Variants in FGF12 observed in about 807,000 individuals in gnomAD.
FGF12 encodes fibroblast growth factor 12B.
In FGF12, 14 loss-of-function variants were observed where a neutral mutation model predicts 23.6. The ratio of observed to expected loss-of-function variants is 0.59; its 90% confidence interval spans 0.39 to 0.93. The LOEUF is 0.93. FGF12 is among the 40% of genes least tolerant of loss of function. FGF12 has a pLI of 0.00. For synonymous variants in FGF12, 62 were observed against 77.3 expected, an observed-to-expected ratio of 0.80 and a Z score of 1.04; for missense variants, 175 against 217.8, an observed-to-expected ratio of 0.80 and a Z score of 1.24.
intron 4 of FGF12, among the ~76,000 whole-genome samples, chr3:192,207,524 T>C (rs1717716864): frequency 6.6e-6 from 1 of 152,120 alleles, no homozygotes. Context: ...TGCAGAGAAG[T>C]ATGAAATGTT....
At chr3:192,252,831 GATTA>G (rs1400595799) in intron 4 of FGF12, among the ~76,000 whole-genome samples, 2 of 152,052 alleles carry the variant, frequency 1.3e-5, no homozygotes, top group Non-Finnish European at 2.9e-5. Context: ...CCCCTAAAAA[GATTA>G]ATTATAATAA....
In FGF12 at chr3:192,304,787, T is replaced by G. The variant is rs547152288; in HGVS notation, c.228+30574A>C. On this transcript the variant is annotated intron_variant, in intron 4 of 5. Transcript: ENST00000445105. ...TTAAAATATCCTCTCTGCTTCATAA[T>G]GCTTATTCCATACTCAGAACTTTAG... Among the ~76,000 whole-genome samples, 144 of 152,318 alleles carry G rather than the reference T, an allele frequency of 9.5e-4. 1 individual carries two copies. Among genetic ancestry groups the G allele is most frequent in the African/African-American group, 3.3e-3 (139 of 41,570 alleles).
chr3:192,365,880 C>A (rs1232265025), intron 2 of FGF12, among the ~76,000 whole-genome samples: 2 of 150,822 alleles, frequency 1.3e-5, no homozygotes, highest in Non-Finnish European at 2.9e-5. Context: ...CCAAGGGGTC[C>A]TGGTCAGAAA....
In FGF12 at chr3:192,702,997, G is replaced by A. The variant is rs77239978; in HGVS notation, c.13+24184C>T. Among the ~76,000 whole-genome samples, 441 of 152,178 alleles carry A rather than the reference G, an allele frequency of 2.9e-3. 3 individuals carry two copies. The highest frequency in any genetic ancestry group is 9.2e-3 in the African/African-American group (383 of 41,514). The stretch of plus-strand genomic sequence containing the variant: ...ACTGATTACCAAAAGATGGTATTTC[G>A]TTCTATACCTGACAAAGTCTGTTTA... On this transcript the variant is annotated intron_variant, in intron 2 of 5. Transcript: ENST00000445105.
intron 4 of FGF12, among the ~76,000 whole-genome samples, chr3:192,308,962 G>T (rs1226794012): frequency 1.3e-5 from 2 of 152,106 alleles, no homozygotes; most frequent in African/African-American, 2.4e-5. Flanking sequence ...AACATGTTTT[G>T]TAAATATACA....
At chr3:192,401,568 T>G (rs1379127212) in intron 2 of FGF12, among the ~76,000 whole-genome samples, 1 of 152,230 alleles carries the variant, frequency 6.6e-6, no homozygotes, top group Admixed American at 6.5e-5. Flanking sequence ...CTAGCCTCCT[T>G]ACTGTTCCCT....
At chr3:192,407,272 C>A (rs1284370297) in intron 2 of FGF12, among the ~76,000 whole-genome samples, 1 of 152,284 alleles carries the variant, frequency 6.6e-6, no homozygotes, top group East Asian at 1.9e-4. Flanking sequence ...CTCCTTGAGG[C>A]CAAACTGTGT....
intron 2 of FGF12, among the ~76,000 whole-genome samples, chr3:192,461,817 C>T (rs1722870112): frequency 6.6e-6 from 1 of 151,838 alleles, no homozygotes; most frequent in Non-Finnish European, 1.5e-5. Context: ...GTTGAAACCC[C>T]GTCTCTACTA....
At chr3:192,617,980 T>C (rs1714826278) in intron 2 of FGF12, among the ~76,000 whole-genome samples, 1 of 152,078 alleles carries the variant, frequency 6.6e-6, no homozygotes, top group African/African-American at 2.4e-5. Flanking sequence ...ATTTGGGTTA[T>C]TGATATAAAT....
intron 2 of FGF12, among the ~76,000 whole-genome samples, chr3:192,548,813 TA>T (rs899539496): frequency 9.9e-5 from 15 of 151,792 alleles, no homozygotes; most frequent in African/African-American, 3.6e-4. Flanking sequence ...CACACAGCAT[TA>T]AAAAAAACCT....
intron 4 of FGF12, among the ~76,000 whole-genome samples, chr3:192,334,254 T>G (rs1362878002): frequency 6.6e-6 from 1 of 152,110 alleles, no homozygotes; most frequent in Non-Finnish European, 1.5e-5. Flanking sequence ...CTGCTTCTTC[T>G]GTGCAGCATG....
At chr3:192,444,418 T>A (rs946984520) in intron 2 of FGF12, among the ~76,000 whole-genome samples, 11 of 152,190 alleles carry the variant, frequency 7.2e-5, no homozygotes, top group Admixed American at 2.0e-4. Flanking sequence ...TTTTGTCTTT[T>A]TTTTTATCTT....
At chr3:192,254,092 T>G (rs1712216498) in intron 4 of FGF12, among the ~76,000 whole-genome samples, 1 of 151,982 alleles carries the variant, frequency 6.6e-6, no homozygotes, top group Admixed American at 6.6e-5. Flanking sequence ...TTAGCTATAG[T>G]CACCACCTTG....
chr3:192,384,752 G>A (rs1317047913), intron 2 of FGF12, among the ~76,000 whole-genome samples: 1 of 152,142 alleles, frequency 6.6e-6, no homozygotes, highest in Non-Finnish European at 1.5e-5. Flanking sequence ...CCACTTTCAG[G>A]CTCCGGGGGT....
At chr3:192,640,475 G>A (rs961066072) in intron 2 of FGF12, among the ~76,000 whole-genome samples, 2 of 152,066 alleles carry the variant, frequency 1.3e-5, no homozygotes, top group Admixed American at 1.3e-4. Context: ...CTCCAACAGA[G>A]GTAGGTTATT....
Position 192,666,266 on chromosome 3 carries a change from G to A in FGF12, c.13+60915C>T, listed in dbSNP as rs149800330. Among the ~76,000 whole-genome samples the A allele has an allele frequency of 4.1e-3, 621 of 152,114 alleles. 6 individuals are homozygous for A. The highest frequency in any genetic ancestry group is 0.014 in the African/African-American group (598 of 41,502). Reference sequence around the variant, plus strand: ...TTTTATATAGCTTTGCTTAATTTAAGAATTTATTTTCAGTCTATGAACTTT... The same window carrying A: ...TTTTATATAGCTTTGCTTAATTTAAAAATTTATTTTCAGTCTATGAACTTT... On this transcript the variant is annotated intron_variant, in intron 2 of 5. Transcript: ENST00000445105.
chr3:192,551,581 G>A (rs1711530852), intron 2 of FGF12, among the ~76,000 whole-genome samples: 4 of 152,296 alleles, frequency 2.6e-5, no homozygotes, highest in Admixed American at 2.6e-4. Context: ...AAAAGCATTC[G>A]GTCGAGATGC....
At chr3:192,338,871 T>C (rs985090731) in intron 3 of FGF12, among the ~76,000 whole-genome samples, 2 of 152,200 alleles carry the variant, frequency 1.3e-5, no homozygotes, top group African/African-American at 4.8e-5. Context: ...TAAAAGCAGA[T>C]ACTGGAAAAC....
intron 2 of FGF12, among the ~76,000 whole-genome samples, chr3:192,490,843 A>C (rs2108825914): frequency 1.3e-5 from 2 of 152,254 alleles, no homozygotes; most frequent in East Asian, 3.9e-4. Context: ...CACCTAATCG[A>C]TGGTGTCATC....
Sources: allele counts gnomAD v4.1 joint callset (sites outside exome capture counted in the v4.1 genomes callset), GRCh38; gene constraint gnomAD v4.1.1; transcripts MANE v1.5; gene names NCBI Gene and HGNC (gene_info 2026-07-23, HGNC 2026-07-21).